Variants in SLC24A3 observed in about 807,000 individuals in gnomAD.
SLC24A3 encodes the protein sodium/potassium/calcium exchanger 3.
Under a neutral mutation model 75.8 loss-of-function variants are expected in SLC24A3, and 28 were observed. The ratio of observed to expected loss-of-function variants is 0.37; its 90% CI spans 0.27 to 0.51. The LOEUF is 0.51. SLC24A3 is among the 20% of genes least tolerant of loss of function. SLC24A3 has a pLI of 0.94. For synonymous variants in SLC24A3, 372 were observed against 334.1 expected, an observed-to-expected ratio of 1.11 and a Z score of -1.24; for missense variants, 663 against 847.8, an observed-to-expected ratio of 0.78 and a Z score of 2.71.
intron 2 of SLC24A3, among the ~76,000 whole-genome samples, chr20:19,484,050 A>G (rs1988095513): frequency 6.6e-6 from 1 of 152,212 alleles, no homozygotes; most frequent in South Asian, 2.1e-4. Flanking sequence ...TAATGGGAGC[A>G]TTAGTCACGG....
Position 19,685,134 on chromosome 20 carries a change from A to C in SLC24A3, c.1097A>C (p.Asn366Thr). ...QRLINSRAYT[N>T]GESEVAIKIP... ...TTGATAAACAGCAGGGCTTATACCA[A>C]CGGGGAATCTGAGGTGGCCATCAAA... The change falls in exon 12 of 17, where the codon AAC becomes ACC. Residue 366 changes from asparagine (N) to threonine (T), a missense_variant. Around this residue, in one of 2 missense-constraint regions of SLC24A3, gnomAD observed 510 missense variants for 703.6 expected, o/e 0.72. Coordinates refer to ENST00000328041, the MANE Select transcript of SLC24A3 (RefSeq NM_020689.4). The C allele has an allele frequency of 6.2e-7, 1 of 1,613,578 alleles. No homozygotes were observed. Among genetic ancestry groups the C allele is most frequent in the Non-Finnish European group, 8.5e-7 (1 of 1,179,498 alleles).
At chr20:19,589,715 G>C (rs566476858) in intron 6 of SLC24A3, among the ~76,000 whole-genome samples, 4 of 152,162 alleles carry the variant, frequency 2.6e-5, no homozygotes, top group Admixed American at 2.6e-4. Flanking sequence ...ACCAGCTACT[G>C]TTTATTAAGC....
At chr20:19,364,018 A>C (rs1985841244) in intron 2 of SLC24A3, among the ~76,000 whole-genome samples, 1 of 152,124 alleles carries the variant, frequency 6.6e-6, no homozygotes, top group South Asian at 2.1e-4. Flanking sequence ...GGAACTGCAG[A>C]TACAGTAATG....
chr20:19,301,649 G>A (rs1025931311), intron 2 of SLC24A3, among the ~76,000 whole-genome samples: 3 of 152,054 alleles, frequency 2.0e-5, no homozygotes, highest in Non-Finnish European at 4.4e-5. Context: ...TTTTCCTCAT[G>A]GCATACTTTT....
At chr20:19,572,586 C>A (rs755495384) in intron 3 of SLC24A3, among the ~76,000 whole-genome samples, 2 of 152,096 alleles carry the variant, frequency 1.3e-5, no homozygotes, top group African/African-American at 4.8e-5. Context: ...TTGAGGCATT[C>A]GCTGGTATTT....
At chr20:19,621,471 C>A (rs894392573) in intron 6 of SLC24A3, among the ~76,000 whole-genome samples, 2 of 152,188 alleles carry the variant, frequency 1.3e-5, no homozygotes, top group South Asian at 4.1e-4. Context: ...ACCCTCTTGA[C>A]CCTCTTGGTT....
intron 2 of SLC24A3, among the ~76,000 whole-genome samples, chr20:19,401,792 CG>C (rs902112468): frequency 3.5e-4 from 54 of 152,306 alleles, no homozygotes; most frequent in African/African-American, 1.2e-3. Flanking sequence ...ATGATGACTG[CG>C]GGAATTGGTG....
chr20:19,648,343 C>A (rs2032162069), intron 6 of SLC24A3, among the ~76,000 whole-genome samples: 1 of 152,186 alleles, frequency 6.6e-6, no homozygotes, highest in South Asian at 2.1e-4. Flanking sequence ...CATGATTTCT[C>A]AAATCCCTTT....
intron 1 of SLC24A3, among the ~76,000 whole-genome samples, chr20:19,218,691 A>C (rs1186732982): frequency 6.6e-6 from 1 of 150,852 alleles, no homozygotes; most frequent in Non-Finnish European, 1.5e-5. Flanking sequence ...TCCTTGTGGG[A>C]AGCTTTTTTT....
chr20:19,494,457 A>G (rs553877412), intron 2 of SLC24A3, among the ~76,000 whole-genome samples: 91 of 152,312 alleles, frequency 6.0e-4, no homozygotes, highest in Non-Finnish European at 1.1e-3. Context: ...TAATGAAATC[A>G]TCTGGGAAAC....
chr20:19,504,922 G>T (rs558943264), intron 2 of SLC24A3, among the ~76,000 whole-genome samples: 42 of 152,328 alleles, frequency 2.8e-4, no homozygotes, highest in African/African-American at 1.0e-3. Flanking sequence ...TGTGGCCTGG[G>T]AAAACTACAT....
intron 2 of SLC24A3, among the ~76,000 whole-genome samples, chr20:19,478,578 T>C (rs1252484459): frequency 6.6e-6 from 1 of 152,138 alleles, no homozygotes; most frequent in East Asian, 1.9e-4. Context: ...AGTGTGCCCA[T>C]GTGTGGCTGT....
At chr20:19,669,198 GAC>G (rs1465440650) in intron 8 of SLC24A3, among the ~76,000 whole-genome samples, 4 of 152,172 alleles carry the variant, frequency 2.6e-5, no homozygotes, top group Non-Finnish European at 5.9e-5. Context: ...TGTGCTAAAA[GAC>G]ACTTGACATA....
intron 2 of SLC24A3, among the ~76,000 whole-genome samples, chr20:19,375,100 G>A (rs563228421): frequency 6.6e-6 from 1 of 152,192 alleles, no homozygotes; most frequent in South Asian, 2.1e-4. Flanking sequence ...CTCCCCAGCT[G>A]GCCCTGCTTC....
chr20:19,404,040 A>G (rs1986599328), intron 2 of SLC24A3, among the ~76,000 whole-genome samples: 1 of 152,230 alleles, frequency 6.6e-6, no homozygotes. Flanking sequence ...TCTTGATAAG[A>G]GCAAGGGGAA....
chr20:19,325,792 A>C (rs867926052), intron 2 of SLC24A3, among the ~76,000 whole-genome samples: 4 of 95,246 alleles, frequency 4.2e-5, no homozygotes, highest in Non-Finnish European at 8.4e-5. Context: ...ATATATATAT[A>C]TATAGAGAGA....
At chr20:19,489,033 C>A (rs550845235) in intron 2 of SLC24A3, among the ~76,000 whole-genome samples, 1 of 152,294 alleles carries the variant, frequency 6.6e-6, no homozygotes, top group South Asian at 2.1e-4. Flanking sequence ...GAGCAGAAAC[C>A]CGCATACGTC....
intron 6 of SLC24A3, among the ~76,000 whole-genome samples, chr20:19,607,380 C>A (rs1313233876): frequency 6.6e-6 from 1 of 152,156 alleles, no homozygotes; most frequent in African/African-American, 2.4e-5. Flanking sequence ...CCTCCTCTGG[C>A]ACCCCACTCC....
At chr20:19,386,641 C>G (rs180950860) in intron 2 of SLC24A3, among the ~76,000 whole-genome samples, 4 of 152,272 alleles carry the variant, frequency 2.6e-5, no homozygotes, top group Admixed American at 2.6e-4. Flanking sequence ...CAGACTTTGT[C>G]AAATGCTTTT....
Sources: allele counts gnomAD v4.1 joint callset (sites outside exome capture counted in the v4.1 genomes callset), GRCh38; gene constraint gnomAD v4.1.1; regional missense constraint gnomAD v4.1.1; transcripts MANE v1.5; gene names NCBI Gene and HGNC (gene_info 2026-07-23, HGNC 2026-07-21).